The following UBE2K variants were observed in gnomAD, a reference collection of about 807,000 sequenced individuals.
UBE2K encodes the protein ubiquitin conjugating enzyme E2 K.
In UBE2K, 6 loss-of-function variants were observed where a neutral mutation model predicts 30.0. The ratio of observed to expected loss-of-function variants is 0.20; its 90% confidence interval spans 0.11 to 0.39. The LOEUF (loss-of-function observed/expected upper bound fraction) is 0.39, where lower values mean the gene tolerates loss of function less well. Ranked by LOEUF, UBE2K falls within the 10% of genes least tolerant of loss-of-function variation. The pLI, the probability that UBE2K is intolerant of heterozygous loss-of-function variation, is 1.00. For missense variants in UBE2K, 61 were observed against 241.6 expected (o/e 0.25, Z 4.96); for synonymous variants, 86 against 83.7 (o/e 1.03, Z -0.15).
intron 1 of UBE2K, among the ~76,000 whole-genome samples, chr4:39,705,124 C>T (rs2109304545): frequency 6.6e-6 from 1 of 151,080 alleles, no homozygotes; most frequent in East Asian, 1.9e-4. Flanking sequence ...GTCTCGAGCT[C>T]CTGACCTTGT....
At chr4:39,750,354 A>G (rs1721194007) in intron 3 of UBE2K, among the ~76,000 whole-genome samples, 1 of 152,202 alleles carries the variant, frequency 6.6e-6, no homozygotes, top group African/African-American at 2.4e-5. Context: ...ATCCTGTAGG[A>G]AGAGATAAGA....
At chr4:39,714,205 C>G (rs1441888089) in intron 1 of UBE2K, 3 of 155,852 alleles carry the variant, frequency 1.9e-5, no homozygotes, top group Admixed American at 6.5e-5. Flanking sequence ...CCATCAAATC[C>G]CTGTGCTTCT....
At chr4:39,765,150 G>A (rs1380758102) in intron 4 of UBE2K, among the ~76,000 whole-genome samples, 5 of 152,286 alleles carry the variant, frequency 3.3e-5, no homozygotes, top group South Asian at 2.1e-4. Context: ...CTCCCAAAGC[G>A]CTAGGATTAT....
At chr4:39,770,592 C>T in intron 4 of UBE2K, 1 of 1,584,092 alleles carries the variant, frequency 6.3e-7, no homozygotes, top group Non-Finnish European at 8.6e-7. Context: ...GCTGGCCCGG[C>T]CTCCCGGAGT....
intron 3 of UBE2K, among the ~76,000 whole-genome samples, chr4:39,748,794 A>G (rs1406262687): frequency 6.6e-6 from 1 of 152,168 alleles, no homozygotes; most frequent in African/African-American, 2.4e-5. Context: ...TACGGTATAT[A>G]TGAAATAAAA....
chr4:39,719,008 G>A (rs368029758), intron 1 of UBE2K, among the ~76,000 whole-genome samples: 1 of 152,256 alleles, frequency 6.6e-6, no homozygotes, highest in Non-Finnish European at 1.5e-5. Flanking sequence ...CACTGAGGCC[G>A]AGGAGGCACC....
chr4:39,774,159 C>T (rs1030340725), intron 4 of UBE2K, among the ~76,000 whole-genome samples: 2 of 151,686 alleles, frequency 1.3e-5, no homozygotes, highest in African/African-American at 4.8e-5. Flanking sequence ...AAAAAAAATG[C>T]TGGGTGTGGT....
At chr4:39,702,242 T>C (rs1332618929) in intron 1 of UBE2K, among the ~76,000 whole-genome samples, 27 of 7,734 alleles carry the variant, frequency 3.5e-3, no homozygotes, top group East Asian at 0.016. Flanking sequence ...TTTTTTTTTT[T>C]TTTTTTTTTT....
intron 1 of UBE2K, 42 bp from the exon 2 acceptor site, chr4:39,737,378 C>G: frequency 7.6e-7 from 1 of 1,322,654 alleles, no homozygotes; most frequent in Non-Finnish European, 1.0e-6. Context: ...AGGCGTTTTT[C>G]TTGCTGACAT....
At chr4:39,758,593 G>A (rs560463024) in intron 4 of UBE2K, among the ~76,000 whole-genome samples, 2 of 152,102 alleles carry the variant, frequency 1.3e-5, no homozygotes, top group Non-Finnish European at 2.9e-5. Flanking sequence ...CAGGAGAATC[G>A]CTTGAACCTG....
intron 1 of UBE2K, among the ~76,000 whole-genome samples, chr4:39,712,538 TC>T (rs1254667587): frequency 1.3e-5 from 2 of 152,018 alleles, no homozygotes; most frequent in Admixed American, 6.6e-5. Context: ...CAAGCAATTC[TC>T]CTGCCTCAGC....
intron 1 of UBE2K, among the ~76,000 whole-genome samples, chr4:39,707,185 C>A (rs1718414852): frequency 6.6e-6 from 1 of 151,732 alleles, no homozygotes; most frequent in Admixed American, 6.6e-5. Context: ...GCTGGGCTTA[C>A]ATGTGTGAGC....
chr4:39,752,325 CTTTTTTTTTCTTTT>C (rs1578478030), intron 3 of UBE2K, among the ~76,000 whole-genome samples: 1 of 63,306 alleles, frequency 1.6e-5, no homozygotes, highest in East Asian at 5.2e-4. Context: ...TTTTTTTTTT[CTTTTTTTTTCTTTT>C]TTTTTTTTTT....
intron 1 of UBE2K, among the ~76,000 whole-genome samples, chr4:39,712,180 A>G (rs1168954765): frequency 2.7e-5 from 4 of 146,414 alleles, no homozygotes; most frequent in South Asian, 4.3e-4. Flanking sequence ...GCTGGAGTGC[A>G]ATAGCACCGA....
chr4:39,729,018 G>A (rs1294623193), intron 1 of UBE2K, among the ~76,000 whole-genome samples: 2 of 148,226 alleles, frequency 1.3e-5, no homozygotes, highest in African/African-American at 5.0e-5. Flanking sequence ...GCCCAAGCTG[G>A]AGTACTGTGC....
At chr4:39,707,916 G>C (rs1356811772) in intron 1 of UBE2K, among the ~76,000 whole-genome samples, 1 of 147,194 alleles carries the variant, frequency 6.8e-6, no homozygotes, top group Non-Finnish European at 1.5e-5. Flanking sequence ...TTTTTTTTCT[G>C]AGACAGTTTT....
At chr4:39,748,970 A>T (rs1285830702) in intron 3 of UBE2K, among the ~76,000 whole-genome samples, 2 of 152,226 alleles carry the variant, frequency 1.3e-5, no homozygotes, top group African/African-American at 2.4e-5. Flanking sequence ...AATGAGAAGA[A>T]TGGGGAATAT....
chr4:39,754,668 C>T (rs1236620741), intron 3 of UBE2K, among the ~76,000 whole-genome samples: 2 of 151,972 alleles, frequency 1.3e-5, no homozygotes, highest in Admixed American at 6.6e-5. Context: ...GCCACCATGC[C>T]CAGCTAATTT....
chr4:39,723,754 A>G (rs6531738), intron 1 of UBE2K, among the ~76,000 whole-genome samples: 28,205 of 152,194 alleles, frequency 0.19, 4,631 homozygotes, highest in African/African-American at 0.45. Flanking sequence ...AAATAATAAC[A>G]TTTAAAATAA....
Sources: gnomAD v4.1 joint callset for allele counts (sites outside exome capture counted in the v4.1 genomes callset) on GRCh38, gnomAD v4.1.1 for gene constraint, MANE v1.5 for transcripts, NCBI Gene and HGNC (gene_info 2026-07-23, HGNC 2026-07-21) for gene names.